JADE1: variants seen among roughly 807,000 people sequenced by gnomAD.
The protein encoded by JADE1 is protein Jade-1.
In JADE1, 14 loss-of-function variants were observed where a neutral mutation model predicts 81.8. The ratio of observed to expected loss-of-function variants is 0.17; its 90% confidence interval spans 0.11 to 0.27. The LOEUF is 0.27. Among genes scored for constraint, JADE1 ranks in the 10% least tolerant of loss-of-function variants. JADE1 has a pLI of 1.00. For synonymous variants in JADE1, 353 were observed against 391.9 expected (o/e 0.90, Z 1.17); for missense variants, 690 against 1,047.9 (o/e 0.66, Z 4.71).
chr4:128,865,345 A>T (rs1173556981), intron 9 of JADE1, among the ~76,000 whole-genome samples: 2 of 152,174 alleles, frequency 1.3e-5, no homozygotes, highest in Non-Finnish European at 2.9e-5. Flanking sequence ...TGGGTACCCC[A>T]TGTTTCTGTT....
intron 1 of JADE1, among the ~76,000 whole-genome samples, chr4:128,829,022 G>A (rs907155370): frequency 6.6e-6 from 1 of 152,120 alleles, no homozygotes; most frequent in Admixed American, 6.5e-5. Flanking sequence ...GTGGTCTTCT[G>A]CCTTTCCCTT....
At chr4:128,831,112 G>A (rs561594481) in intron 1 of JADE1, among the ~76,000 whole-genome samples, 5 of 152,346 alleles carry the variant, frequency 3.3e-5, no homozygotes, top group African/African-American at 1.2e-4. Flanking sequence ...GTTTCCTAAT[G>A]TGAAAGGGAG....
intron 1 of JADE1, among the ~76,000 whole-genome samples, chr4:128,821,741 G>A (rs1375121838): frequency 6.6e-6 from 1 of 152,028 alleles, no homozygotes; most frequent in Non-Finnish European, 1.5e-5. Context: ...GGCTGGTCTC[G>A]AGCTCCTGAC....
chr4:128,833,339 GT>G (rs1246849504), intron 2 of JADE1, among the ~76,000 whole-genome samples: 2 of 152,292 alleles, frequency 1.3e-5, no homozygotes, highest in East Asian at 3.9e-4. Context: ...CTATCAAAGT[GT>G]CTTTGTGAGT....
intron 8 of JADE1, among the ~76,000 whole-genome samples, chr4:128,859,996 G>T (rs1309437739): frequency 6.6e-6 from 1 of 152,210 alleles, no homozygotes; most frequent in East Asian, 1.9e-4. Flanking sequence ...CCAGAGGAAG[G>T]CCATTTGGCG....
intron 1 of JADE1, among the ~76,000 whole-genome samples, chr4:128,812,793 C>A (rs953069937): frequency 3.3e-5 from 5 of 152,246 alleles, no homozygotes; most frequent in Non-Finnish European, 7.3e-5. Context: ...TGCCTTACTT[C>A]GGCAGGGGCG....
At chr4:128,836,786 G>T (rs1379198093) in intron 2 of JADE1, among the ~76,000 whole-genome samples, 1 of 149,536 alleles carries the variant, frequency 6.7e-6, no homozygotes, top group East Asian at 2.0e-4. Context: ...GCCCAGGCTG[G>T]AGTACAGTGG....
rs1395717712 is a variant in JADE1, at chr4:128,873,281, GAAAAAAAAAAGA to G, written c.*1025_*1036del. The G allele has an allele frequency of 1.0e-4, 11 of 105,638 alleles. No homozygotes were observed. The highest frequency in any genetic ancestry group is 3.9e-4 in the African/African-American group (11 of 28,096). The allele number at this position is 105,638 out of a possible 1,614,324, so 6.5% of individuals were successfully genotyped here. The stretch of plus-strand genomic sequence containing the variant: ...GAAAAAAAAAAAAAAAAGAAAAAAA[GAAAAAAAAAAGA>G]AAAAAGAAAAAAAGAGAAAAAAGCG... On this transcript the variant is annotated 3_prime_UTR_variant, in exon 11 of 11. Coordinates refer to ENST00000226319, the MANE Select transcript of JADE1 (RefSeq NM_199320.4).
In JADE1 at chr4:128,861,926, A is replaced by G; in HGVS notation, c.1204A>G (p.Ser402Gly). 1 of 1,614,112 alleles carries G rather than the reference A, an allele frequency of 6.2e-7. No homozygotes were observed. Among genetic ancestry groups the G allele is most frequent in the Non-Finnish European group, 8.5e-7 (1 of 1,179,952 alleles). Residue 402 changes from serine to glycine, a missense_variant, in exon 9 of 11, where the codon AGC becomes GGC. Around this residue, in one of 8 missense-constraint regions of JADE1, gnomAD observed 77 missense variants for 76.4 expected, o/e 1.01. Coordinates refer to ENST00000226319, the MANE Select transcript of JADE1 (RefSeq NM_199320.4). ...CCGGAATCCGCTGGAGCCCTTTGCCAGCCTTGAGCAGAACCGGGAGGAGGC... is the reference window on the plus strand; with the variant it reads ...CCGGAATCCGCTGGAGCCCTTTGCCGGCCTTGAGCAGAACCGGGAGGAGGC... ...SPRNPLEPFA[S>G]LEQNREEAHR...
At chr4:128,839,870 A>G (rs1223501255) in intron 2 of JADE1, among the ~76,000 whole-genome samples, 1 of 152,218 alleles carries the variant, frequency 6.6e-6, no homozygotes, top group African/African-American at 2.4e-5. Context: ...ATAAGCTGCT[A>G]AGAGCATTCC....
intron 3 of JADE1, among the ~76,000 whole-genome samples, chr4:128,845,595 C>T (rs937404429): frequency 2.0e-5 from 3 of 151,988 alleles, no homozygotes; most frequent in Non-Finnish European, 4.4e-5. Flanking sequence ...GAGGTAGGGC[C>T]TGGGTGGGGG....
intron 9 of JADE1, chr4:128,863,298 A>C (rs764842987): frequency 3.0e-6 from 3 of 985,366 alleles, no homozygotes; most frequent in Non-Finnish European, 3.6e-6. Context: ...TTCCACATCA[A>C]CTCCCCTGGC....
chr4:128,862,548 G>A (rs1303362069), intron 9 of JADE1: 1 of 1,161,254 alleles, frequency 8.6e-7, no homozygotes, highest in Non-Finnish European at 1.1e-6. Flanking sequence ...GAGTGAATGA[G>A]CCCCAAGAAA....
intron 8 of JADE1, among the ~76,000 whole-genome samples, chr4:128,859,402 CGTATGCGTGTGTATGCAT>C (rs1435534779): frequency 6.6e-6 from 1 of 151,060 alleles, no homozygotes; most frequent in Non-Finnish European, 1.5e-5. Context: ...TGCGTGAGTG[CGTATGCGTGTGTATGCAT>C]GTGTGCATAT....
At chr4:128,827,677 G>A (rs1728194428) in intron 1 of JADE1, among the ~76,000 whole-genome samples, 1 of 152,202 alleles carries the variant, frequency 6.6e-6, no homozygotes, top group African/African-American at 2.4e-5. Flanking sequence ...CTCATGGGGT[G>A]TAGTTAATTT....
In JADE1 at chr4:128,871,313, T is replaced by C; in HGVS notation, c.1622-42T>C. The C allele has an allele frequency of 1.3e-6, 2 of 1,559,688 alleles. No individual in the cohort carries two copies. The highest frequency in any genetic ancestry group is 1.7e-6 in the Non-Finnish European group (2 of 1,147,566). On this transcript the variant is annotated intron_variant, in intron 10 of 10. Coordinates refer to ENST00000226319, the MANE Select transcript of JADE1 (RefSeq NM_199320.4). The surrounding 1 kb of genome is among the most constrained non-coding windows in gnomAD (Gnocchi z 4.1). ...TAGAATTTTATTCTTTTGGATTTGC[T>C]TCTGCTGTAATTTTTCTTTATTTGT...
rs115531380 is a variant in JADE1 at position 128,857,541 on chromosome 4, G to A, written c.981+87G>A. 1,406 of 1,053,458 alleles carry A rather than the reference G, an allele frequency of 1.3e-3. 18 individuals carry two copies. In the African/African-American group the frequency reaches 0.019, roughly 15 times the overall value. 65.3% of individuals were successfully genotyped at this position (1,053,458 alleles called of 1,614,324 possible). A position where few individuals can be genotyped will look rare whatever the true frequency, so the allele number is the denominator to read the frequency against. ...GGAAGGCTCTGTGAACTGTCCAAGG[G>A]TTTGGAGAGGGGACTAGAATCCAGG... On this transcript the variant is annotated intron_variant, in intron 8 of 10. Transcript: ENST00000226319.
intron 6 of JADE1, among the ~76,000 whole-genome samples, chr4:128,853,597 T>C (rs1730549531): frequency 6.6e-6 from 1 of 152,190 alleles, no homozygotes; most frequent in Non-Finnish European, 1.5e-5. Flanking sequence ...TGAAGAAATT[T>C]GGATTTGGGT....
intron 2 of JADE1, among the ~76,000 whole-genome samples, chr4:128,833,268 G>A (rs1358318008): frequency 2.6e-5 from 4 of 152,006 alleles, no homozygotes; most frequent in African/African-American, 9.7e-5. Flanking sequence ...ATAGTTTTAG[G>A]CATTTTACTC....
Sources: allele counts gnomAD v4.1 joint callset (sites outside exome capture counted in the v4.1 genomes callset), GRCh38; gene constraint gnomAD v4.1.1; regional missense constraint gnomAD v4.1.1; non-coding constraint Gnocchi (gnomAD v3.1); transcripts MANE v1.5; gene names NCBI Gene and HGNC (gene_info 2026-07-23, HGNC 2026-07-21).